The following SPICE1 variants were observed in gnomAD, a reference collection of about 807,000 sequenced individuals.
The protein encoded by SPICE1 is spindle and centriole associated protein 1, also known as spindle and centriole-associated protein 1.
A neutral mutation model predicts 102.7 loss-of-function variants in SPICE1; 75 were observed. The observed-to-expected ratio is 0.73, with a 90% CI of 0.61 to 0.88. SPICE1 has a LOEUF of 0.88. Among genes scored for constraint, SPICE1 ranks in the 40% least tolerant of loss-of-function variants. The pLI is 0.00. For missense variants in SPICE1, 979 were observed against 1,020.1 expected, an observed-to-expected ratio of 0.96 and a Z score of 0.55; for synonymous variants, 308 against 350.3, an observed-to-expected ratio of 0.88 and a Z score of 1.35.
intron 7 of SPICE1, among the ~76,000 whole-genome samples, chr3:113,488,610 G>A (rs142083704): frequency 1.2e-3 from 190 of 152,252 alleles, no homozygotes; most frequent in African/African-American, 4.2e-3. Flanking sequence ...GGGGGAGGGC[G>A]GGAGGTAGGT....
intron 2 of SPICE1, among the ~76,000 whole-genome samples, chr3:113,504,594 A>G (rs979100024): frequency 2.7e-5 from 4 of 148,814 alleles, no homozygotes; most frequent in African/African-American, 5.0e-5. Context: ...AAAAAAAAAA[A>G]GGGAAAAGGA....
intron 7 of SPICE1, among the ~76,000 whole-genome samples, chr3:113,474,503 T>A (rs147499207): frequency 6.6e-6 from 1 of 152,084 alleles, no homozygotes; most frequent in East Asian, 1.9e-4. Context: ...CAGCACCACA[T>A]GACACCTATT....
At chr3:113,451,962 C>G (rs964151342) in intron 14 of SPICE1, among the ~76,000 whole-genome samples, 4 of 152,162 alleles carry the variant, frequency 2.6e-5, no homozygotes, top group African/African-American at 9.7e-5. Flanking sequence ...ACACAGCCAC[C>G]TCACGAGCTT....
At position 113,488,862 on chromosome 3, in the gene SPICE1, TA is replaced by T. The variant is rs1161181969; in HGVS notation, c.611+82del. 1.8e-5 allele frequency: 14 copies of T among 757,342 alleles called. No homozygotes were observed. The African/African-American group carries it at 1.9e-4, about 10-fold the overall frequency. 46.9% of individuals were successfully genotyped at this position (757,342 alleles called of 1,614,324 possible). A position where few individuals can be genotyped will look rare whatever the true frequency, so the allele number is the denominator to read the frequency against. On this transcript the variant is annotated intron_variant, in intron 7 of 17. Coordinates refer to ENST00000295872, the MANE Select transcript of SPICE1 (RefSeq NM_144718.4). Reference sequence around the variant, plus strand: ...TAAATAAAAATAAACTCCCATTTAATAAAAAATGATGCAATAGGCAAACATT... The same window carrying T: ...TAAATAAAAATAAACTCCCATTTAATAAAAATGATGCAATAGGCAAACATT...
chr3:113,483,111 G>A (rs1458457781), intron 7 of SPICE1, among the ~76,000 whole-genome samples: 1 of 152,082 alleles, frequency 6.6e-6, no homozygotes. Flanking sequence ...TCCTTGAAGA[G>A]GTCCTTCACA....
chr3:113,498,228 G>GT (rs1936938556), intron 4 of SPICE1, among the ~76,000 whole-genome samples: 1 of 152,132 alleles, frequency 6.6e-6, no homozygotes, highest in Non-Finnish European at 1.5e-5. Flanking sequence ...CTAATGTGCA[G>GT]TGAGAGTTGA....
intron 3 of SPICE1, among the ~76,000 whole-genome samples, chr3:113,501,983 G>A (rs1400671104): frequency 6.6e-6 from 1 of 152,162 alleles, no homozygotes; most frequent in Non-Finnish European, 1.5e-5. Flanking sequence ...ACCTAACAAT[G>A]CAAAAGCAGA....
In SPICE1 at chr3:113,446,619, C is replaced by T; in HGVS notation, c.2484G>A (p.Gly828=). The change falls in exon 17 of 18, where the codon GGG becomes GGA. Residue 828 remains glycine (G), a synonymous_variant. Transcript: ENST00000295872. ...CSPLNATSGS[G]RFTPLNPRAK... Reference sequence around the variant, plus strand: ...CTCTTGGATTAAGAGGTGTGAATCTCCCACTTCCTGAGGTGGCATTTAGTG... The same window carrying T: ...CTCTTGGATTAAGAGGTGTGAATCTTCCACTTCCTGAGGTGGCATTTAGTG... 6.2e-7 allele frequency: 1 copy of T among 1,613,748 alleles called. No homozygotes were observed. Among genetic ancestry groups the T allele is most frequent in the Non-Finnish European group, 8.5e-7 (1 of 1,179,818 alleles).
In SPICE1 at chr3:113,459,606, A is replaced by G. The variant is rs541039260; in HGVS notation, c.1435+1011T>C. ...TGAGATATTAATAGCAAGACTTGCCAGGTGCGGTGGCTCACGCCTGTAATC... is the reference window on the plus strand; with the variant it reads ...TGAGATATTAATAGCAAGACTTGCCGGGTGCGGTGGCTCACGCCTGTAATC... On this transcript the variant is annotated intron_variant, in intron 12 of 17. Transcript: ENST00000295872. The G allele has an allele frequency of 4.1e-6, 4 of 985,406 alleles. No homozygotes were observed. In the East Asian group the frequency reaches 4.5e-4, roughly 112 times the overall value. 61.0% of individuals were successfully genotyped at this position (985,406 alleles called of 1,614,324 possible).
intron 11 of SPICE1, among the ~76,000 whole-genome samples, chr3:113,465,251 T>G (rs1936025785): frequency 6.6e-6 from 1 of 152,292 alleles, no homozygotes; most frequent in East Asian, 1.9e-4. Flanking sequence ...AATATGAAGA[T>G]ACTGTGAACA....
At chr3:113,479,296 G>A (rs1305687168) in intron 7 of SPICE1, among the ~76,000 whole-genome samples, 4 of 151,328 alleles carry the variant, frequency 2.6e-5, no homozygotes, top group African/African-American at 9.7e-5. Context: ...CCCTACAAAG[G>A]ACATGAACTC....
rs1198729742 is a variant in SPICE1 at position 113,488,998 on chromosome 3, A to G, written c.558T>C (p.Asn186=). The G allele has an allele frequency of 6.2e-7, 1 of 1,613,760 alleles. No homozygotes were observed. The highest frequency in any genetic ancestry group is 1.7e-5 in the Admixed American group (1 of 60,018). Residue 186 remains asparagine, a synonymous_variant, in exon 7 of 18, where the codon AAT becomes AAC. Coordinates refer to ENST00000295872, the MANE Select transcript of SPICE1 (RefSeq NM_144718.4). ...TVNSQSGESE[N]ENELDNSLNS... ...TTAGAGAGTTATCCAACTCATTCTC[A>G]TTCTCACTTTCTCCTGACTGGCTAT...
At chr3:113,454,843 T>C (rs1385493944) in intron 13 of SPICE1, among the ~76,000 whole-genome samples, 1 of 152,082 alleles carries the variant, frequency 6.6e-6, no homozygotes, top group African/African-American at 2.4e-5. Context: ...TTCTCAGGCA[T>C]GTATGACTGA....
At chr3:113,461,501 A>G (rs1203633689) in intron 11 of SPICE1, among the ~76,000 whole-genome samples, 1 of 152,096 alleles carries the variant, frequency 6.6e-6, no homozygotes, top group African/African-American at 2.4e-5. Context: ...GGTTAGATGA[A>G]TTTGTTTTGT....
In SPICE1 at chr3:113,446,682, C is replaced by T; in HGVS notation, c.2427-6G>A. On this transcript the variant is annotated splice_polypyrimidine_tract_variant and splice_region_variant and intron_variant, in intron 16 of 17. Transcript: ENST00000295872. ...TACCAGTAGCCCCGGAAGATCTATT[C>T]ATGAAAAATAAAACAGAGTAAGAGA... The T allele has an allele frequency of 6.2e-7, 1 of 1,608,220 alleles. No individual in the cohort carries two copies. Among genetic ancestry groups the T allele is most frequent in the Non-Finnish European group, 8.5e-7 (1 of 1,175,490 alleles).
Position 113,453,597 on chromosome 3 carries a change from G to T in SPICE1, c.2011C>A (p.Arg671=). 6.2e-7 allele frequency: 1 copy of T among 1,614,084 alleles called. No individual in the cohort carries two copies. The highest frequency in any genetic ancestry group is 1.3e-5 in the African/African-American group (1 of 74,980). Residue 671 remains arginine (R), a synonymous_variant, in exon 14 of 18, where the codon CGA becomes AGA. Transcript: ENST00000295872. ...SLIQRKDIMT[R]IADLTLQNSA... ...TTCTGCAATGTCAAATCAGCAATTCGTGTCATTATGTCCTTTCTTTGTATT... is the reference window on the plus strand; with the variant it reads ...TTCTGCAATGTCAAATCAGCAATTCTTGTCATTATGTCCTTTCTTTGTATT...
At chr3:113,459,446 C>T in intron 12 of SPICE1, 1 of 972,350 alleles carries the variant, frequency 1.0e-6, no homozygotes, top group Non-Finnish European at 1.2e-6. Flanking sequence ...CAAAACAAAA[C>T]AAAACAAAAC....
At chr3:113,510,306 A>G (rs1211197872) in intron 1 of SPICE1, among the ~76,000 whole-genome samples, 5 of 152,208 alleles carry the variant, frequency 3.3e-5, no homozygotes, top group Non-Finnish European at 7.3e-5. Flanking sequence ...AAGAGCCCAT[A>G]TGGCCAAGAC....
chr3:113,445,912 C>T (rs1426220075), intron 17 of SPICE1, among the ~76,000 whole-genome samples: 3 of 152,154 alleles, frequency 2.0e-5, no homozygotes, highest in Non-Finnish European at 4.4e-5. Flanking sequence ...ATGTCAGACA[C>T]TTATTGGCTC....
Sources: allele counts gnomAD v4.1 joint callset (sites outside exome capture counted in the v4.1 genomes callset), GRCh38; gene constraint gnomAD v4.1.1; transcripts MANE v1.5; gene names NCBI Gene and HGNC (gene_info 2026-07-23, HGNC 2026-07-21).